The following RSRC1 variants were observed in gnomAD, a reference collection of about 807,000 sequenced individuals.
RSRC1 encodes the protein serine/Arginine-related protein 53.
Under a neutral mutation model 49.1 loss-of-function variants are expected in RSRC1, and 39 were observed. That is an observed-to-expected ratio of 0.79 (90% CI 0.61 to 1.04). RSRC1 has a LOEUF of 1.04. Ranked by LOEUF, RSRC1 falls within the 50% of genes least tolerant of loss-of-function variation. RSRC1 has a pLI of 0.00. For missense variants in RSRC1, 388 were observed against 402.4 expected (o/e 0.96, Z 0.31); for synonymous variants, 143 against 130.8 (o/e 1.09, Z -0.63).
At chr3:158,350,029 C>T (rs751120863) in intron 5 of RSRC1, among the ~76,000 whole-genome samples, 2 of 151,604 alleles carry the variant, frequency 1.3e-5, no homozygotes, top group Non-Finnish European at 2.9e-5. Flanking sequence ...TTAATGTCAA[C>T]ACTACCATTT....
intron 6 of RSRC1, among the ~76,000 whole-genome samples, chr3:158,380,405 T>C (rs115368911): frequency 0.011 from 1,653 of 152,202 alleles, 33 homozygotes; most frequent in African/African-American, 0.038. Flanking sequence ...GGCTGTAGTG[T>C]TCTATGACTG....
At chr3:158,219,283 T>C (rs1458639482) in intron 4 of RSRC1, among the ~76,000 whole-genome samples, 1 of 151,560 alleles carries the variant, frequency 6.6e-6, no homozygotes, top group Non-Finnish European at 1.5e-5. Context: ...GGTTCTTCCT[T>C]TTTTTCTTTT....
intron 4 of RSRC1, among the ~76,000 whole-genome samples, chr3:158,255,576 A>G (rs1724496539): frequency 6.6e-6 from 1 of 152,186 alleles, no homozygotes; most frequent in South Asian, 2.1e-4. Flanking sequence ...ATGGACTTAA[A>G]GGTAGTTTTT....
chr3:158,236,886 T>C (rs1723278311), intron 4 of RSRC1, among the ~76,000 whole-genome samples: 1 of 152,154 alleles, frequency 6.6e-6, no homozygotes, highest in Non-Finnish European at 1.5e-5. Context: ...TTGGCAGTAG[T>C]AAAGTTACGG....
chr3:158,364,769 A>G (rs1289875547), intron 6 of RSRC1, among the ~76,000 whole-genome samples: 1 of 151,164 alleles, frequency 6.6e-6, no homozygotes, highest in Non-Finnish European at 1.5e-5. Flanking sequence ...CCATAGGAAA[A>G]TTGTTAAAAC....
intron 3 of RSRC1, among the ~76,000 whole-genome samples, chr3:158,162,785 C>T (rs952427408): frequency 4.6e-5 from 7 of 152,068 alleles, no homozygotes; most frequent in African/African-American, 1.7e-4. Context: ...TGAAGATGTT[C>T]ATTGACTTTG....
Position 158,497,221 on chromosome 3 carries a change from CT to C in RSRC1, c.652+36219del, listed in dbSNP as rs1475546689. Among the ~76,000 whole-genome samples, 11 of 148,148 alleles carry C rather than the reference CT, an allele frequency of 7.4e-5. No individual in the cohort carries two copies. In the East Asian group the frequency reaches 1.4e-3, roughly 19 times the overall value. ...TATAACTCCCCCTTCCCCCTCCCCC[CT>C]AGCCCCTGGCAACCACCATTAGGAG... On this transcript the variant is annotated intron_variant, in intron 7 of 9. Coordinates refer to ENST00000611884, the MANE Select transcript of RSRC1 (RefSeq NM_001271838.2).
chr3:158,266,010 T>C (rs1425319331), intron 4 of RSRC1, among the ~76,000 whole-genome samples: 1 of 152,172 alleles, frequency 6.6e-6, no homozygotes, highest in Non-Finnish European at 1.5e-5. Flanking sequence ...TTCCTATATA[T>C]ATGGGTCCTT....
At chr3:158,413,657 C>A in intron 6 of RSRC1, among the ~76,000 whole-genome samples, 2 of 151,298 alleles carry the variant, frequency 1.3e-5, no homozygotes. Flanking sequence ...AAAAAAAAGC[C>A]CATTAAAAAG....
At chr3:158,439,839 G>T (rs1736280871) in intron 6 of RSRC1, among the ~76,000 whole-genome samples, 1 of 151,014 alleles carries the variant, frequency 6.6e-6, no homozygotes, top group Admixed American at 6.6e-5. Flanking sequence ...ATAAAAAAAG[G>T]TTACAGTGTG....
At chr3:158,297,693 A>G (rs1030037240) in intron 4 of RSRC1, among the ~76,000 whole-genome samples, 1 of 151,438 alleles carries the variant, frequency 6.6e-6, no homozygotes, top group Non-Finnish European at 1.5e-5. Context: ...TTCATAATAA[A>G]TGTTGGAAAT....
At chr3:158,473,526 G>T (rs1042777697) in intron 7 of RSRC1, among the ~76,000 whole-genome samples, 3 of 151,986 alleles carry the variant, frequency 2.0e-5, no homozygotes, top group Non-Finnish European at 4.4e-5. Context: ...GGTGAGGGCA[G>T]GGGGGAGGGA....
At chr3:158,177,685 G>A (rs886648909) in intron 3 of RSRC1, among the ~76,000 whole-genome samples, 4 of 152,076 alleles carry the variant, frequency 2.6e-5, no homozygotes, top group Non-Finnish European at 2.9e-5. Context: ...GGAGAAATAC[G>A]TAATGTAAAT....
At chr3:158,527,851 A>G (rs1576609263) in intron 7 of RSRC1, among the ~76,000 whole-genome samples, 1 of 152,142 alleles carries the variant, frequency 6.6e-6, no homozygotes, top group East Asian at 1.9e-4. Context: ...CATTATAAAA[A>G]GTATAACTTC....
chr3:158,543,706 C>T, intron 9 of RSRC1: 1 of 436,136 alleles, frequency 2.3e-6, no homozygotes, highest in Non-Finnish European at 4.0e-6. Context: ...TAGAAGTATT[C>T]TGTCTATGGT....
At chr3:158,424,562 C>T (rs529674964) in intron 6 of RSRC1, among the ~76,000 whole-genome samples, 2 of 149,550 alleles carry the variant, frequency 1.3e-5, no homozygotes, top group Non-Finnish European at 3.0e-5. Flanking sequence ...TGTCTCTGCC[C>T]GGCTTTGGTA....
intron 6 of RSRC1, among the ~76,000 whole-genome samples, chr3:158,407,790 C>G (rs984221979): frequency 7.2e-5 from 11 of 152,116 alleles, no homozygotes; most frequent in African/African-American, 2.4e-4. Context: ...TTTATAGAAT[C>G]TAAACTTATA....
chr3:158,449,325 T>G (rs1372033963), intron 6 of RSRC1, among the ~76,000 whole-genome samples: 1 of 151,964 alleles, frequency 6.6e-6, no homozygotes, highest in Non-Finnish European at 1.5e-5. Context: ...CTGAAACCAT[T>G]GTACTAGATT....
intron 7 of RSRC1, among the ~76,000 whole-genome samples, chr3:158,507,813 T>G: frequency 6.6e-6 from 1 of 152,064 alleles, no homozygotes; most frequent in East Asian, 1.9e-4. Flanking sequence ...TGGCTCACTC[T>G]TATAATCCCA....
Sources: allele counts gnomAD v4.1 joint callset (sites outside exome capture counted in the v4.1 genomes callset), GRCh38; gene constraint gnomAD v4.1.1; transcripts MANE v1.5; gene names NCBI Gene and HGNC (gene_info 2026-07-23, HGNC 2026-07-21).